The following PTGER4 variants were observed in gnomAD, a reference collection of about 807,000 sequenced individuals.
PTGER4 encodes prostaglandin E receptor 4.
A neutral mutation model predicts 33.2 loss-of-function variants in PTGER4; 11 were observed. The observed-to-expected ratio is 0.33, with a 90% CI of 0.21 to 0.55. The LOEUF (loss-of-function observed/expected upper bound fraction) is 0.55, where lower values mean the gene tolerates loss of function less well. Ranked by LOEUF, PTGER4 falls within the 20% of genes least tolerant of loss-of-function variation. The probability of loss-of-function intolerance (pLI) is 0.92; values close to 1 mark genes in which losing one functional copy is unlikely to be tolerated. For synonymous variants in PTGER4, 275 were observed against 281.5 expected (o/e 0.98, Z 0.23); for missense variants, 481 against 650.2 (o/e 0.74, Z 2.83).
intron 2 of PTGER4, among the ~76,000 whole-genome samples, chr5:40,684,129 C>CG (rs1741269347): frequency 8.9e-6 from 1 of 111,940 alleles, no homozygotes; most frequent in African/African-American, 3.6e-5. Context: ...CACCCACCCC[C>CG]CCCCCCACAA....
At chr5:40,697,234 GA>G (rs775347778), downstream of PTGER4, among the ~76,000 whole-genome samples, 1 of 73,576 alleles carries the variant, frequency 1.4e-5, no homozygotes, top group Non-Finnish European at 3.3e-5. Context: ...AGAAAAGAAA[GA>G]AAGAAAGAAA....
Position 40,692,391 on chromosome 5 carries a change from G to T in PTGER4, c.*13G>T. 1.3e-6 allele frequency: 2 copies of T among 1,567,950 alleles called. No individual in the cohort carries two copies. Among genetic ancestry groups the T allele is most frequent in the South Asian group, 1.2e-5 (1 of 84,388 alleles). On this transcript the variant is annotated 3_prime_UTR_variant, in exon 3 of 3. Transcript: ENST00000302472. Reference sequence around the variant, plus strand: ...AAAATGTATATAATAGGCAAGGAAAGAAATACAGTACTGTTTCTGGACCCT... The same window carrying T: ...AAAATGTATATAATAGGCAAGGAAATAAATACAGTACTGTTTCTGGACCCT...
chr5:40,682,175 C>T (rs893834724), intron 2 of PTGER4, among the ~76,000 whole-genome samples: 1 of 151,818 alleles, frequency 6.6e-6, no homozygotes, highest in Non-Finnish European at 1.5e-5. Context: ...AAACCCCCCG[C>T]CCCCTCTGTT....
At chr5:40,730,307 T>C in the PTGER4 span, 1 of 1,612,762 alleles carries the variant, frequency 6.2e-7, no homozygotes, top group Non-Finnish European at 8.5e-7. Flanking sequence ...GAGTTAACTG[T>C]AGTGCTTCAT....
chr5:40,680,899 C>G lies in PTGER4; in HGVS notation c.-43-52C>G, dbSNP rs762303187. 1 of 1,467,788 alleles carries G rather than the reference C, an allele frequency of 6.8e-7. No individual in the cohort carries two copies. The highest frequency in any genetic ancestry group is 1.3e-5 in the South Asian group (1 of 75,606). 90.9% of individuals were successfully genotyped at this position (1,467,788 alleles called of 1,614,324 possible). On this transcript the variant is annotated intron_variant, in intron 1 of 2. Coordinates refer to ENST00000302472, the MANE Select transcript of PTGER4 (RefSeq NM_000958.3). This position sits in a 1 kb window ranked among gnomAD's most constrained non-coding sequence, Gnocchi z 5.5. ...TCTCGGGCGCGGGTCTAACACCTTA[C>G]AAGTGGTAATTTCCGCTCACGGCAG...
At chr5:40,726,177 A>G in the PTGER4 span, among the ~76,000 whole-genome samples, 1 of 149,418 alleles carries the variant, frequency 6.7e-6, no homozygotes, top group East Asian at 2.0e-4. Context: ...ACACACACGT[A>G]TATATATATA....
Position 40,680,404 on chromosome 5 carries a change from G to C in PTGER4, c.-118G>C, listed in dbSNP as rs971249077. 2 of 153,706 alleles carry C rather than the reference G, an allele frequency of 1.3e-5. No individual in the cohort carries two copies. Among genetic ancestry groups the C allele is most frequent in the Non-Finnish European group, 2.9e-5 (2 of 69,042 alleles). The allele number at this position is 153,706 out of a possible 1,614,324, so 9.5% of individuals were successfully genotyped here. A position where few individuals can be genotyped will look rare whatever the true frequency, so the allele number is the denominator to read the frequency against. On this transcript the variant is annotated 5_prime_UTR_variant, in exon 1 of 3. Coordinates refer to ENST00000302472, the MANE Select transcript of PTGER4 (RefSeq NM_000958.3). This position sits in a 1 kb window ranked among gnomAD's most constrained non-coding sequence, Gnocchi z 5.5. Reference sequence around the variant, plus strand: ...ACTGAGCAGGACAAGGTGAAAGCAGGTTGGAGGCGGGTCCAGGACATCTGA... The same window carrying C: ...ACTGAGCAGGACAAGGTGAAAGCAGCTTGGAGGCGGGTCCAGGACATCTGA...
At chr5:40,698,092 CA>C (rs1156254550), downstream of PTGER4, among the ~76,000 whole-genome samples, 114 of 40,052 alleles carry the variant, frequency 2.8e-3, no homozygotes, top group African/African-American at 9.5e-3. Context: ...CCTGTCTCTA[CA>C]AAAAAAAAAA....
the PTGER4 span, among the ~76,000 whole-genome samples, chr5:40,723,592 C>T: frequency 5.9e-4 from 89 of 151,916 alleles, 1 homozygote; most frequent in Admixed American, 1.2e-3. Context: ...TGGCCAGATG[C>T]GGTGACTCAC....
At chr5:40,708,515 G>T in the PTGER4 span, among the ~76,000 whole-genome samples, 5 of 152,198 alleles carry the variant, frequency 3.3e-5, no homozygotes, top group African/African-American at 1.2e-4. Flanking sequence ...ACCAATAACA[G>T]GCTCTGAAAT....
intron 2 of PTGER4, among the ~76,000 whole-genome samples, chr5:40,682,196 G>T (rs938241824): frequency 1.3e-5 from 2 of 151,748 alleles, no homozygotes; most frequent in Non-Finnish European, 2.9e-5. Context: ...AGACGTGGAG[G>T]GGAGCCTGCT....
At chr5:40,713,909 A>G in the PTGER4 span, among the ~76,000 whole-genome samples, 3 of 152,336 alleles carry the variant, frequency 2.0e-5, no homozygotes, top group Admixed American at 6.5e-5. Context: ...CTCTTCACGC[A>G]TAGAAGAGTA....
At chr5:40,728,481 AGGC>A in the PTGER4 span, 1 of 1,584,642 alleles carries the variant, frequency 6.3e-7, no homozygotes, top group Admixed American at 1.9e-5. Context: ...TAGCACCTAT[AGGC>A]AAAAAAAGAC....
At chr5:40,740,252 T>G in the PTGER4 span, among the ~76,000 whole-genome samples, 2 of 151,692 alleles carry the variant, frequency 1.3e-5, no homozygotes, top group Non-Finnish European at 2.9e-5. Flanking sequence ...CCTTTCATTC[T>G]TTACTTAGAC....
chr5:40,730,169 G>C, the PTGER4 span: 2 of 912,170 alleles, frequency 2.2e-6, no homozygotes, highest in Non-Finnish European at 3.4e-6. Context: ...AAAAGAAAAT[G>C]GGAGAAAATG....
the PTGER4 span, among the ~76,000 whole-genome samples, chr5:40,734,426 C>T: frequency 1.3e-5 from 2 of 152,112 alleles, no homozygotes; most frequent in Admixed American, 6.5e-5. Flanking sequence ...AGTCTGATTC[C>T]GCCAGTTTAA....
chr5:40,702,481 T>C, the PTGER4 span, among the ~76,000 whole-genome samples: 6 of 152,238 alleles, frequency 3.9e-5, no homozygotes, highest in African/African-American at 1.4e-4. Flanking sequence ...TAAATATATA[T>C]GCACCCAAGA....
chr5:40,716,183 T>C, the PTGER4 span: 4 of 1,613,732 alleles, frequency 2.5e-6, no homozygotes, highest in South Asian at 1.1e-5. Flanking sequence ...TCTGGTGGTG[T>C]AGCACCATCC....
At chr5:40,687,774 C>A (rs1741363922) in intron 2 of PTGER4, among the ~76,000 whole-genome samples, 2 of 152,174 alleles carry the variant, frequency 1.3e-5, no homozygotes, top group Admixed American at 1.3e-4. Flanking sequence ...TAAACTCATA[C>A]TTTTACTACC....
Sources: gnomAD v4.1 joint callset for allele counts (sites outside exome capture counted in the v4.1 genomes callset) on GRCh38, gnomAD v4.1.1 for gene constraint, Gnocchi (gnomAD v3.1) non-coding constraint, MANE v1.5 for transcripts, NCBI Gene and HGNC (gene_info 2026-07-23, HGNC 2026-07-21) for gene names.